Variants in INTS2 observed in about 807,000 individuals in gnomAD.
The protein encoded by INTS2 is KIAA1287.
Under a neutral mutation model 139.6 loss-of-function variants are expected in INTS2, and 57 were observed. The observed-to-expected ratio is 0.41, with a 90% CI of 0.33 to 0.51. INTS2 has a LOEUF of 0.51. INTS2 is among the 20% of genes least tolerant of loss of function. INTS2 has a pLI of 0.28. For missense variants in INTS2, 1,196 were observed against 1,436.7 expected, an observed-to-expected ratio of 0.83 and a Z score of 2.71; for synonymous variants, 473 against 493.4, an observed-to-expected ratio of 0.96 and a Z score of 0.55.
At chr17:61,908,569 T>C (rs555363662) in intron 7 of INTS2, among the ~76,000 whole-genome samples, 2 of 152,292 alleles carry the variant, frequency 1.3e-5, no homozygotes, top group South Asian at 2.1e-4. Context: ...ACAGAGATAA[T>C]ACATGTATGA....
At chr17:61,880,929 T>G in intron 17 of INTS2, 78 bp downstream of exon 17, 1 of 1,133,340 alleles carries the variant, frequency 8.8e-7, no homozygotes, top group Non-Finnish European at 1.3e-6. Flanking sequence ...AAATTCTGTA[T>G]GATTATAAGA....
rs1434302453 is a variant in INTS2 at position 61,867,462 on chromosome 17, C to CT, written c.*94dup. On this transcript the variant is annotated 3_prime_UTR_variant, in exon 25 of 25. Transcript: ENST00000251334. The surrounding 1 kb of genome is among the most constrained non-coding windows in gnomAD (Gnocchi z 5.6). ...TTGTTTTAGTGATTCCAAGACAATA[C>CT]TTTACTGTTCCCATTCAGTTTAGAG... The CT allele has an allele frequency of 4.4e-6, 3 of 684,466 alleles. No individual in the cohort carries two copies. Among genetic ancestry groups the CT allele is most frequent in the Non-Finnish European group, 7.2e-6 (3 of 414,562 alleles). The allele number at this position is 684,466 out of a possible 1,614,324, so 42.4% of individuals were successfully genotyped here.
At chr17:61,894,873 C>T (rs958920579) in intron 12 of INTS2, among the ~76,000 whole-genome samples, 2 of 151,788 alleles carry the variant, frequency 1.3e-5, no homozygotes, top group African/African-American at 2.4e-5. Flanking sequence ...AATCCTTATG[C>T]TTATCCATGG....
chr17:61,911,748 G>A lies in INTS2; in HGVS notation c.781-55C>T, dbSNP rs1361377907. ...CAGTATCATAAGCAAAAAGGCCAGT[G>A]ATGCTTCCAAATCTAAAGTATCTAA... is the stretch of plus-strand genomic sequence containing the variant. On this transcript the variant is annotated intron_variant, in intron 6 of 24. Transcript: ENST00000251334. 1.4e-5 allele frequency: 21 copies of A among 1,541,724 alleles called. No individual in the cohort carries two copies. The East Asian group carries it at 4.5e-4, about 33-fold the overall frequency.
At chr17:61,892,335 T>C in intron 13 of INTS2, among the ~76,000 whole-genome samples, 1 of 152,256 alleles carries the variant, frequency 6.6e-6, no homozygotes, top group East Asian at 1.9e-4. Flanking sequence ...AGTTTCAGTC[T>C]ACTTTACCTC....
rs983603431 is a variant in INTS2 at position 61,893,164 on chromosome 17, T to C, written c.1698+601A>G. Among the ~76,000 whole-genome samples, 6 of 151,850 alleles carry C rather than the reference T, an allele frequency of 4.0e-5. No individual in the cohort carries two copies. Among genetic ancestry groups the C allele is most frequent in the African/African-American group, 1.5e-4 (6 of 41,352 alleles). ...TTTCTAAGTTTTAATAAAATAGCCA[T>C]GTGCCACTATTGAGAATTTAAATGG... On this transcript the variant is annotated intron_variant, in intron 13 of 24. Coordinates refer to ENST00000251334, the MANE Select transcript of INTS2 (RefSeq NM_001351695.2). The surrounding 1 kb of genome is among the most constrained non-coding windows in gnomAD (Gnocchi z 5.4).
At chr17:61,879,578 C>T (rs2079159439) in intron 17 of INTS2, among the ~76,000 whole-genome samples, 1 of 152,188 alleles carries the variant, frequency 6.6e-6, no homozygotes, top group East Asian at 1.9e-4. Context: ...AGGCCAGGCA[C>T]GGTGGTTCAT....
At chr17:61,902,107 T>C (rs963540558) in intron 9 of INTS2, among the ~76,000 whole-genome samples, 4 of 152,208 alleles carry the variant, frequency 2.6e-5, no homozygotes, top group African/African-American at 7.2e-5. Flanking sequence ...ACATTCTGAT[T>C]CCTGGTCCTT....
At chr17:61,884,116 C>CA (rs1276739061) in intron 16 of INTS2, among the ~76,000 whole-genome samples, 5 of 151,836 alleles carry the variant, frequency 3.3e-5, no homozygotes, top group Non-Finnish European at 5.9e-5. Flanking sequence ...GATCATAAAA[C>CA]AATCAGAAAC....
In INTS2 at chr17:61,893,672, G is replaced by A. The variant is rs1370852141; in HGVS notation, c.1698+93C>T. 1 of 937,470 alleles carries A rather than the reference G, an allele frequency of 1.1e-6. No individual in the cohort carries two copies. The highest frequency in any genetic ancestry group is 3.3e-5 in the East Asian group (1 of 30,558). The allele number at this position is 937,470 out of a possible 1,614,324, so 58.1% of individuals were successfully genotyped here. A position where few individuals can be genotyped will look rare whatever the true frequency, so the allele number is the denominator to read the frequency against. The stretch of plus-strand genomic sequence containing the variant: ...ACTGCACCACTGCACTCCAACCTGG[G>A]TGACTGAGCAAGACTCCATCTCAAA... On this transcript the variant is annotated intron_variant, in intron 13 of 24. Transcript: ENST00000251334. The surrounding 1 kb of genome is among the most constrained non-coding windows in gnomAD (Gnocchi z 5.4).
At chr17:61,919,113 T>C (rs1370871548) in intron 5 of INTS2, among the ~76,000 whole-genome samples, 1 of 151,928 alleles carries the variant, frequency 6.6e-6, no homozygotes, top group African/African-American at 2.4e-5. Flanking sequence ...TTAGTAGAGA[T>C]GGGGTTTCAC....
Position 61,926,551 on chromosome 17 carries a change from G to A in INTS2, c.94C>T (p.Pro32Ser), listed in dbSNP as rs764332565. The change falls in exon 2 of 25, where the codon CCA becomes TCA. Residue 32 changes from proline (P) to serine (S), a missense_variant. Pro to Ser is a moderately conservative substitution (Grantham distance 74). This residue lies in a region of INTS2 where 31 missense variants were observed against 64.8 expected (regional missense o/e 0.48). Coordinates refer to ENST00000251334, the MANE Select transcript of INTS2 (RefSeq NM_001351695.2). ...DVVCLASLSD[P>S]ELRLLLPCLV... Reference sequence around the variant, plus strand: ...CAGGGCAGAAGAAGTCTTAATTCTGGATCACTTAAAGATGCCAGGCAAACA... The same window carrying A: ...CAGGGCAGAAGAAGTCTTAATTCTGAATCACTTAAAGATGCCAGGCAAACA... 1.2e-6 allele frequency: 2 copies of A among 1,613,530 alleles called. No homozygotes were observed. Among genetic ancestry groups the A allele is most frequent in the Admixed American group, 3.3e-5 (2 of 59,922 alleles).
At chr17:61,920,943 C>T (rs1236052464) in intron 4 of INTS2, among the ~76,000 whole-genome samples, 8 of 152,098 alleles carry the variant, frequency 5.3e-5, no homozygotes, top group Admixed American at 5.2e-4. Context: ...CACCACCACA[C>T]TAGGCTAATT....
In INTS2 at chr17:61,869,450, T is replaced by C. The variant is rs2079071785; in HGVS notation, c.3031-70A>G. On this transcript the variant is annotated intron_variant, in intron 21 of 24. Coordinates refer to ENST00000251334, the MANE Select transcript of INTS2 (RefSeq NM_001351695.2). This position sits in a 1 kb window ranked among gnomAD's most constrained non-coding sequence, Gnocchi z 5.4. ...ATAAAAGTACAGATAAAAATACAAA[T>C]GAAAGATTTCATTTCCTTTCTGTAA... is the stretch of plus-strand genomic sequence containing the variant. 2.6e-6 allele frequency: 3 copies of C among 1,151,608 alleles called. No individual in the cohort carries two copies. Among genetic ancestry groups the C allele is most frequent in the Non-Finnish European group, 3.8e-6 (3 of 799,134 alleles). The allele number at this position is 1,151,608 out of a possible 1,614,324, so 71.3% of individuals were successfully genotyped here.
At chr17:61,902,006 T>C (rs965742828) in intron 9 of INTS2, among the ~76,000 whole-genome samples, 1 of 152,158 alleles carries the variant, frequency 6.6e-6, no homozygotes, top group African/African-American at 2.4e-5. Flanking sequence ...TTTGATGGGG[T>C]ATGGAATTCT....
At chr17:61,879,362 T>G (rs1044066087) in intron 17 of INTS2, among the ~76,000 whole-genome samples, 2 of 152,146 alleles carry the variant, frequency 1.3e-5, no homozygotes, top group Non-Finnish European at 1.5e-5. Flanking sequence ...AAGATTGCTG[T>G]TACTAAAAAA....
At chr17:61,924,012 A>T (rs997502056) in intron 3 of INTS2, among the ~76,000 whole-genome samples, 1 of 152,236 alleles carries the variant, frequency 6.6e-6, no homozygotes, top group Non-Finnish European at 1.5e-5. Context: ...CAGAGTTTCA[A>T]TTAACTATAT....
Position 61,867,648 on chromosome 17 carries a change from T to C in INTS2, c.3500A>G (p.Asp1167Gly). 2 of 1,608,926 alleles carry C rather than the reference T, an allele frequency of 1.2e-6. No homozygotes were observed. The highest frequency in any genetic ancestry group is 1.1e-5 in the South Asian group (1 of 90,876). The change falls in exon 25 of 25, where the codon GAC becomes GGC. Residue 1167 changes from aspartate (D) to glycine (G), a missense_variant. Physicochemically the swap from Asp to Gly is moderately conservative, Grantham distance 94. Coordinates refer to ENST00000251334, the MANE Select transcript of INTS2 (RefSeq NM_001351695.2). The surrounding 1 kb of genome is among the most constrained non-coding windows in gnomAD (Gnocchi z 5.6). ...KDSSYKNGSRDTGSMDPDVQL... is the reference protein window; with the variant it reads ...KDSSYKNGSRGTGSMDPDVQL... ...TACATCAGGATCCATGCTTCCAGTG[T>C]CCCTGGATCCATTTTTATAAGATGA...
chr17:61,888,568 T>G (rs28696236), intron 15 of INTS2, among the ~76,000 whole-genome samples: 1 of 81,258 alleles, frequency 1.2e-5, no homozygotes, highest in South Asian at 2.8e-4. Flanking sequence ...TGCGTGCGTG[T>G]GTGTGTGTGT....
Sources: allele counts gnomAD v4.1 joint callset (sites outside exome capture counted in the v4.1 genomes callset), GRCh38; gene constraint gnomAD v4.1.1; regional missense constraint gnomAD v4.1.1; non-coding constraint Gnocchi (gnomAD v3.1); transcripts MANE v1.5; gene names NCBI Gene and HGNC (gene_info 2026-07-23, HGNC 2026-07-21).